SYTL2: variants seen among roughly 807,000 people sequenced by gnomAD.
SYTL2 encodes the protein synaptotagmin like 2.
In SYTL2, 165 loss-of-function variants were observed where a neutral mutation model predicts 198.7. The observed-to-expected ratio is 0.83, with a 90% CI of 0.73 to 0.94. SYTL2 has a LOEUF of 0.94. SYTL2 is among the 40% of genes least tolerant of loss of function. The pLI, the probability that SYTL2 is intolerant of heterozygous loss-of-function variation, is 0.00. For missense variants in SYTL2, 2,835 were observed against 2,582.8 expected (o/e 1.10, Z -2.12); for synonymous variants, 966 against 917.7 (o/e 1.05, Z -0.95).
intron 11 of SYTL2, 103 bp from the exon 12 acceptor site, chr11:85,714,610 T>C: frequency 6.8e-7 from 1 of 1,479,044 alleles, no homozygotes; most frequent in Non-Finnish European, 9.0e-7. Context: ...AACAAACATG[T>C]TTTTGTAAAA....
chr11:85,787,165 T>A (rs1327388941), intron 1 of SYTL2, among the ~76,000 whole-genome samples: 1 of 152,194 alleles, frequency 6.6e-6, no homozygotes, highest in Non-Finnish European at 1.5e-5. Context: ...TCTGCCCTAA[T>A]TATTTCTTGT....
At chr11:85,838,574 T>A in the SYTL2 span, among the ~76,000 whole-genome samples, 1 of 152,086 alleles carries the variant, frequency 6.6e-6, no homozygotes, top group Non-Finnish European at 1.5e-5. Context: ...GAAGCAGGTA[T>A]CTCACACGGT....
intron 2 of SYTL2, among the ~76,000 whole-genome samples, chr11:85,757,111 T>G (rs1223898568): frequency 1.3e-5 from 2 of 152,234 alleles, no homozygotes; most frequent in Non-Finnish European, 2.9e-5. Flanking sequence ...CTCCTCTTTA[T>G]GGGACCCAAG....
At chr11:85,820,106 T>C in the SYTL2 span, among the ~76,000 whole-genome samples, 1 of 152,236 alleles carries the variant, frequency 6.6e-6, no homozygotes, top group Admixed American at 6.5e-5. Flanking sequence ...AAATTTAGCA[T>C]TTCCTTCCAT....
chr11:85,836,132 C>T, the SYTL2 span, among the ~76,000 whole-genome samples: 2 of 152,092 alleles, frequency 1.3e-5, no homozygotes, highest in Non-Finnish European at 2.9e-5. Context: ...ATAACTAATC[C>T]CTGCACCTCA....
At chr11:85,849,725 C>T in the SYTL2 span, among the ~76,000 whole-genome samples, 1 of 149,782 alleles carries the variant, frequency 6.7e-6, no homozygotes, top group Admixed American at 6.7e-5. Context: ...TAGGGTGATG[C>T]CTCCAGCTTT....
rs1217905737 is a variant in SYTL2, at chr11:85,757,995, G to A, written c.-270C>T. On this transcript the variant is annotated 5_prime_UTR_variant, in exon 2 of 20. Transcript: ENST00000359152. ...TGCTGTATTCCTTGCCAAACAGGTC[G>A]CTTGTTCCTATGGTGGCTTCCAGCA... 5.8e-5 allele frequency: 22 copies of A among 377,370 alleles called. No homozygotes were observed. The highest frequency in any genetic ancestry group is 5.5e-4 in the Admixed American group (15 of 27,262). The allele number at this position is 377,370 out of a possible 1,614,324, so 23.4% of individuals were successfully genotyped here. A position where few individuals can be genotyped will look rare whatever the true frequency, so the allele number is the denominator to read the frequency against.
chr11:85,770,615 C>T (rs757671887), intron 1 of SYTL2, among the ~76,000 whole-genome samples: 3 of 152,202 alleles, frequency 2.0e-5, no homozygotes, highest in African/African-American at 4.8e-5. Flanking sequence ...TACAGCCCAT[C>T]CATTCCCCAC....
At chr11:85,799,453 C>T (rs1263535024) in intron 1 of SYTL2, among the ~76,000 whole-genome samples, 2 of 152,172 alleles carry the variant, frequency 1.3e-5, no homozygotes, top group Admixed American at 1.3e-4. Context: ...GTTTTAAGAA[C>T]AGCTAGGATT....
chr11:85,698,422 T>C (rs149274693), intron 17 of SYTL2, among the ~76,000 whole-genome samples: 1 of 152,350 alleles, frequency 6.6e-6, no homozygotes, highest in East Asian at 1.9e-4. Flanking sequence ...GAAATGCATA[T>C]ACCTTGCAAA....
chr11:85,819,473 T>C, the SYTL2 span, among the ~76,000 whole-genome samples: 83 of 152,354 alleles, frequency 5.4e-4, no homozygotes, highest in Admixed American at 1.1e-3. Flanking sequence ...AGCCCCAAGA[T>C]GGTCTCTCCT....
intron 1 of SYTL2, 60 bp downstream of exon 1, chr11:85,810,894 A>T (rs1250953565): frequency 6.6e-6 from 1 of 152,328 alleles, no homozygotes; most frequent in East Asian, 1.9e-4. Context: ...AGAGGGAAAC[A>T]AAGTTGCCCG....
chr11:85,803,888 G>C (rs1371557331), intron 1 of SYTL2, among the ~76,000 whole-genome samples: 1 of 152,168 alleles, frequency 6.6e-6, no homozygotes, highest in Non-Finnish European at 1.5e-5. Flanking sequence ...CAAGGACATA[G>C]CAAAGGGACT....
intron 1 of SYTL2, among the ~76,000 whole-genome samples, chr11:85,794,480 G>A (rs1192907040): frequency 1.3e-5 from 2 of 152,086 alleles, no homozygotes; most frequent in African/African-American, 4.8e-5. Context: ...CGCCCAGCCA[G>A]TTTTAAATTT....
At chr11:85,829,417 G>A in the SYTL2 span, among the ~76,000 whole-genome samples, 1 of 152,168 alleles carries the variant, frequency 6.6e-6, no homozygotes, top group African/African-American at 2.4e-5. Context: ...ATTCCATGGT[G>A]TATATGTACC....
Position 85,734,476 on chromosome 11 carries a change from A to T in SYTL2, c.853T>A (p.Ser285Thr). The T allele has an allele frequency of 6.2e-7, 1 of 1,614,196 alleles. No homozygotes were observed. The highest frequency in any genetic ancestry group is 8.5e-7 in the Non-Finnish European group (1 of 1,180,026). The change falls in exon 7 of 20, where the codon TCA becomes ACA. Residue 285 changes from serine (S) to threonine (T), a missense_variant. Physicochemically the swap from Ser to Thr is moderately conservative, Grantham distance 58. Transcript: ENST00000359152. ...KRNSSSSSTD[S>T]ETLRYNHNFE... ...TTGTGATTATAACGAAGGGTTTCTGAGTCTGTGCTACTGGAACTGGAGTTG... is the reference window on the plus strand; with the variant it reads ...TTGTGATTATAACGAAGGGTTTCTGTGTCTGTGCTACTGGAACTGGAGTTG...
chr11:85,744,492 A>G (rs2091014321), intron 4 of SYTL2, among the ~76,000 whole-genome samples: 1 of 152,198 alleles, frequency 6.6e-6, no homozygotes, highest in East Asian at 1.9e-4. Context: ...AAACAGAATG[A>G]TCCCCTTTCC....
intron 1 of SYTL2, among the ~76,000 whole-genome samples, chr11:85,779,451 A>G (rs2092519406): frequency 6.6e-6 from 1 of 152,230 alleles, no homozygotes; most frequent in Non-Finnish European, 1.5e-5. Context: ...ACAAAAGAGG[A>G]ACTGGGTTCA....
intron 5 of SYTL2, among the ~76,000 whole-genome samples, 200 bp from the exon 6 acceptor site, chr11:85,736,815 T>C (rs1330335248): frequency 1.3e-5 from 2 of 152,184 alleles, no homozygotes; most frequent in Non-Finnish European, 2.9e-5. Context: ...ATAAAATATA[T>C]GCAAAGCCAG....
Sources: allele counts gnomAD v4.1 joint callset (sites outside exome capture counted in the v4.1 genomes callset), GRCh38; gene constraint gnomAD v4.1.1; transcripts MANE v1.5; gene names NCBI Gene and HGNC (gene_info 2026-07-23, HGNC 2026-07-21).